Variants in COL11A2 observed in about 807,000 individuals in gnomAD.
COL11A2 encodes the protein collagen alpha-2(XI) chain.
A neutral mutation model predicts 273.4 loss-of-function variants in COL11A2; 116 were observed. The observed-to-expected ratio is 0.42, with a 90% CI of 0.36 to 0.49. The LOEUF (loss-of-function observed/expected upper bound fraction) is 0.49. Ranked by LOEUF, COL11A2 falls within the 20% of genes least tolerant of loss-of-function variation. COL11A2 has a pLI of 0.00. For synonymous variants in COL11A2, 782 were observed against 864.2 expected, an observed-to-expected ratio of 0.90 and a Z score of 1.67; for missense variants, 1,866 against 2,309.0, an observed-to-expected ratio of 0.81 and a Z score of 3.93.
chr6:33,177,132 T>TA lies in COL11A2; in HGVS notation c.2016+48dup. 6.2e-7 allele frequency: 1 copy of TA among 1,612,620 alleles called. No individual in the cohort carries two copies. The highest frequency in any genetic ancestry group is 1.3e-5 in the African/African-American group (1 of 75,002). ...CCCAGCAGACATTTAGGGTTCTCCC[T>TA]ACATCCCCACTCTAAACCCCCTGTC... On this transcript the variant is annotated intron_variant, in intron 24 of 65. Transcript: ENST00000341947. This position sits in a 1 kb window ranked among gnomAD's most constrained non-coding sequence, Gnocchi z 5.9.
Position 33,184,132 on chromosome 6 carries a change from T to TC in COL11A2, c.1119+12dup, listed in dbSNP as rs1353723222. ...TGGTAGTCAAGAATGAAAGAGAAGC[T>TC]CCTTTCACTTACGGCTCCTGAGTGG... is the stretch of plus-strand genomic sequence containing the variant. On this transcript the variant is annotated intron_variant, in intron 8 of 65. Transcript: ENST00000341947. The TC allele has an allele frequency of 1.5e-6, 2 of 1,366,712 alleles. No homozygotes were observed. Among genetic ancestry groups the TC allele is most frequent in the South Asian group, 2.3e-5 (2 of 88,042 alleles). 84.7% of individuals were successfully genotyped at this position (1,366,712 alleles called of 1,614,324 possible).
At chr6:33,192,836 G>A (rs1470155731), upstream of COL11A2, among the ~76,000 whole-genome samples, 2 of 152,032 alleles carry the variant, frequency 1.3e-5, no homozygotes, top group Non-Finnish European at 2.9e-5. Flanking sequence ...GCGGGCCTGG[G>A]GGTCGCAGTC....
rs912070292 is a variant in COL11A2 at position 33,184,301 on chromosome 6, G to A, written c.963C>T (p.Pro321=). The stretch of plus-strand genomic sequence containing the variant: ...CTGCCTGGAACCTGTCGGCTGTGGG[G>A]GGGACCTGGAGATCTGTCTGCTCCT... ...LEEEQTDLQV[P]PTADRFQAEE... is the part of the protein sequence containing the mutation. The change falls in exon 8 of 66, where the codon CCC becomes CCT. Residue 321 remains proline, a synonymous_variant. Coordinates refer to ENST00000341947, the MANE Select transcript of COL11A2 (RefSeq NM_080680.3). 2.4e-5 allele frequency: 33 copies of A among 1,367,430 alleles called. No homozygotes were observed. The highest frequency in any genetic ancestry group is 2.1e-4 in the Middle Eastern group (1 of 4,788). 84.7% of individuals were successfully genotyped at this position (1,367,430 alleles called of 1,614,324 possible).
At position 33,178,526 on chromosome 6, in the gene COL11A2, C is replaced by T. The variant is rs1267159948; in HGVS notation, c.1720-38G>A. The T allele has an allele frequency of 2.5e-6, 4 of 1,612,390 alleles. No homozygotes were observed. The African/African-American group carries it at 5.3e-5, about 22-fold the overall frequency. On this transcript the variant is annotated intron_variant, in intron 18 of 65. Transcript: ENST00000341947. The surrounding 1 kb of genome is among the most constrained non-coding windows in gnomAD (Gnocchi z 4.6). ...GGAACTCATAAGAGGGGCTTCAGAG[C>T]CCCCAACACAGGCAGACACCGAACC...
At chr6:33,192,923 CG>C (rs1379892322), upstream of COL11A2, among the ~76,000 whole-genome samples, 1 of 151,990 alleles carries the variant, frequency 6.6e-6, no homozygotes, top group Admixed American at 6.6e-5. Context: ...CGGGCCGGGG[CG>C]GGGGTATTTA....
In COL11A2 at chr6:33,173,870, C is replaced by T. The variant is rs938393753; in HGVS notation, c.2583+3G>A. The T allele has an allele frequency of 1.9e-6, 3 of 1,614,060 alleles. No individual in the cohort carries two copies. Among genetic ancestry groups the T allele is most frequent in the African/African-American group, 2.7e-5 (2 of 74,998 alleles). On this transcript the variant is annotated splice_donor_region_variant and intron_variant, in intron 34 of 65. Coordinates refer to ENST00000341947, the MANE Select transcript of COL11A2 (RefSeq NM_080680.3). This position sits in a 1 kb window ranked among gnomAD's most constrained non-coding sequence, Gnocchi z 6.3. Reference sequence around the variant, plus strand: ...CAGTTGGAGCCTTGTAGAGACCATTCACCTTAGCTCCAGACTTCCCAGTGG... The same window carrying T: ...CAGTTGGAGCCTTGTAGAGACCATTTACCTTAGCTCCAGACTTCCCAGTGG...
At chr6:33,180,752 G>A in intron 10 of COL11A2, 22 bp from the exon 11 acceptor site, 2 of 1,609,232 alleles carry the variant, frequency 1.2e-6, no homozygotes, top group Non-Finnish European at 1.7e-6. Context: ...AAGAGTAGGG[G>A]TCAGGTGTGG....
At position 33,192,353 on chromosome 6, in the gene COL11A2, C is replaced by A; in HGVS notation, c.-113G>T. On this transcript the variant is annotated 5_prime_UTR_variant, in exon 1 of 66. Coordinates refer to ENST00000341947, the MANE Select transcript of COL11A2 (RefSeq NM_080680.3). ...ACTATGAGCCTCAGACGCCGGGGTC[C>A]CAGGGAGGTCAGAGGCTGCGGGCAG... The A allele has an allele frequency of 1.9e-6, 2 of 1,078,188 alleles. No individual in the cohort carries two copies. Among genetic ancestry groups the A allele is most frequent in the Non-Finnish European group, 2.7e-6 (2 of 728,066 alleles). 66.8% of individuals were successfully genotyped at this position (1,078,188 alleles called of 1,614,324 possible). A position where few individuals can be genotyped will look rare whatever the true frequency, so the allele number is the denominator to read the frequency against.
Position 33,167,506 on chromosome 6 carries a change from C to T in COL11A2, c.4042G>A (p.Gly1348Arg), listed in dbSNP as rs1382201527. Reference sequence around the variant, plus strand: ...GCAGGACCCACCGGGCCTGTCTTCCCCGGGGCACCTATAGCGCCAGGATCT... The same window carrying T: ...GCAGGACCCACCGGGCCTGTCTTCCTCGGGGCACCTATAGCGCCAGGATCT... ...KGDPGAIGAP[G>R]KTGPVGPAGP... The change falls in exon 56 of 66, where the codon GGG (glycine) becomes AGG (arginine). Residue 1348 changes from glycine to arginine, a missense_variant. By Grantham distance (125) the Gly-to-Arg change is moderately radical. Transcript: ENST00000341947. This position sits in a 1 kb window ranked among gnomAD's most constrained non-coding sequence, Gnocchi z 6.1. 1.2e-6 allele frequency: 2 copies of T among 1,612,864 alleles called. No homozygotes were observed. The highest frequency in any genetic ancestry group is 1.1e-5 in the South Asian group (1 of 91,086).
Position 33,166,553 on chromosome 6 carries a change from G to T in COL11A2, c.4352C>A (p.Ala1451Glu). Reference sequence around the variant, plus strand: ...ACCTCCAGGACCAATGGGGCCGGATGCTCCTGGGATACCCTAGGAAGGGTA... The same window carrying T: ...ACCTCCAGGACCAATGGGGCCGGATTCTCCTGGGATACCCTAGGAAGGGTA... Reference protein sequence around the residue: ...GQKGEMGIPGASGPIGPGGPP... With the variant: ...GQKGEMGIPGESGPIGPGGPP... Residue 1451 changes from alanine (A) to glutamate (E), a missense_variant, in exon 60 of 66, where the codon GCA becomes GAA. Physicochemically the swap from Ala to Glu is moderately radical, Grantham distance 107. Coordinates refer to ENST00000341947, the MANE Select transcript of COL11A2 (RefSeq NM_080680.3). This position sits in a 1 kb window ranked among gnomAD's most constrained non-coding sequence, Gnocchi z 4.8. 17 of 1,613,852 alleles carry T rather than the reference G, an allele frequency of 1.1e-5. No homozygotes were observed. The highest frequency in any genetic ancestry group is 1.4e-5 in the Non-Finnish European group (17 of 1,179,862).
Position 33,170,161 on chromosome 6 carries a change from A to T in COL11A2, c.3583-61T>A. ...GATGGAGGTGCCATTTCAGGGGCAA[A>T]GTCCCAGATGAGCAGCCCAAGGTTA... On this transcript the variant is annotated intron_variant, in intron 48 of 65. Coordinates refer to ENST00000341947, the MANE Select transcript of COL11A2 (RefSeq NM_080680.3). This position sits in a 1 kb window ranked among gnomAD's most constrained non-coding sequence, Gnocchi z 4.3. The T allele has an allele frequency of 6.2e-7, 1 of 1,608,736 alleles. No individual in the cohort carries two copies.
chr6:33,187,516 T>C (rs1772582307), intron 4 of COL11A2, among the ~76,000 whole-genome samples: 1 of 151,944 alleles, frequency 6.6e-6, no homozygotes, highest in African/African-American at 2.4e-5. Context: ...AATGGAGGGA[T>C]GGATGAATGG....
chr6:33,174,634 AC>A, intron 30 of COL11A2, 54 bp from the exon 31 acceptor site: 2 of 1,542,584 alleles, frequency 1.3e-6, no homozygotes, highest in Non-Finnish European at 1.8e-6. Context: ...ATGCCACTCC[AC>A]CCCTGGAGAC....
In COL11A2 at chr6:33,173,444, C is replaced by T. The variant is rs1363095212; in HGVS notation, c.2683-43G>A. On this transcript the variant is annotated intron_variant, in intron 36 of 65. Coordinates refer to ENST00000341947, the MANE Select transcript of COL11A2 (RefSeq NM_080680.3). This position sits in a 1 kb window ranked among gnomAD's most constrained non-coding sequence, Gnocchi z 6.3. ...GTCAGGTGAACTCTCAGCTGGAAAG[C>T]AGGTAGGGAAGAAGGACTCAGAGAA... 6.2e-7 allele frequency: 1 copy of T among 1,612,498 alleles called. No individual in the cohort carries two copies. The highest frequency in any genetic ancestry group is 2.2e-5 in the East Asian group (1 of 44,840).
upstream of COL11A2, among the ~76,000 whole-genome samples, chr6:33,192,814 G>A (rs916321694): frequency 6.6e-6 from 1 of 152,092 alleles, no homozygotes; most frequent in African/African-American, 2.4e-5. Context: ...GGGCACAGTG[G>A]GAGGGGGAGA....
chr6:33,166,687 C>T lies in COL11A2; in HGVS notation c.4338+33G>A, dbSNP rs1198882963. 1 of 1,613,518 alleles carries T rather than the reference C, an allele frequency of 6.2e-7. No homozygotes were observed. Among genetic ancestry groups the T allele is most frequent in the South Asian group, 1.1e-5 (1 of 91,076 alleles). On this transcript the variant is annotated intron_variant, in intron 59 of 65. Transcript: ENST00000341947. The surrounding 1 kb of genome is among the most constrained non-coding windows in gnomAD (Gnocchi z 4.8). Reference sequence around the variant, plus strand: ...ACCCCTCTCCACCCCACTCTCAACCCCCACAACTTCCGGGACCATGCCCTC... The same window carrying T: ...ACCCCTCTCCACCCCACTCTCAACCTCCACAACTTCCGGGACCATGCCCTC...
At position 33,189,588 on chromosome 6, in the gene COL11A2, ACCTCAC is replaced by A; in HGVS notation, c.83-125_83-120del. 1 of 1,311,818 alleles carries A rather than the reference ACCTCAC, an allele frequency of 7.6e-7. No individual in the cohort carries two copies. Among genetic ancestry groups the A allele is most frequent in the Non-Finnish European group, 1.1e-6 (1 of 939,140 alleles). 81.3% of individuals were successfully genotyped at this position (1,311,818 alleles called of 1,614,324 possible). On this transcript the variant is annotated intron_variant, in intron 1 of 65. Coordinates refer to ENST00000341947, the MANE Select transcript of COL11A2 (RefSeq NM_080680.3). This position sits in a 1 kb window ranked among gnomAD's most constrained non-coding sequence, Gnocchi z 5.6. Reference sequence around the variant, plus strand: ...TCAAACTCCCTGCAAGGGAAAGGTCACCTCACCCTCACTTGCTTCTGAACAGTACCT... The same window carrying A: ...TCAAACTCCCTGCAAGGGAAAGGTCACCTCACTTGCTTCTGAACAGTACCT...
At chr6:33,181,879 C>A (rs188439137) in intron 8 of COL11A2, among the ~76,000 whole-genome samples, 3 of 152,212 alleles carry the variant, frequency 2.0e-5, no homozygotes, top group Non-Finnish European at 4.4e-5. Flanking sequence ...CCTTAAGAAA[C>A]CTTCCACACA....
intron 52 of COL11A2, 53 bp downstream of exon 52, chr6:33,168,902 C>A (rs1769611127): frequency 1.9e-6 from 3 of 1,600,954 alleles, no homozygotes; most frequent in African/African-American, 1.3e-5. Context: ...CAGAGGACCC[C>A]CCCATAGAAG....
Sources: allele counts gnomAD v4.1 joint callset (sites outside exome capture counted in the v4.1 genomes callset), GRCh38; gene constraint gnomAD v4.1.1; non-coding constraint Gnocchi (gnomAD v3.1); transcripts MANE v1.5; gene names NCBI Gene and HGNC (gene_info 2026-07-23, HGNC 2026-07-21).